The following GRID1 variants were observed in gnomAD, a reference collection of about 807,000 sequenced individuals.
GRID1 encodes the protein glutamate ionotropic receptor delta type subunit 1.
GRID1 carries 28 observed loss-of-function variants against 98.0 expected under a neutral mutation model. That is an observed-to-expected ratio of 0.29 (90% CI 0.21 to 0.39). The LOEUF is 0.39. Ranked by LOEUF, GRID1 falls within the 10% of genes least tolerant of loss-of-function variation. The probability of loss-of-function intolerance (pLI) is 1.00; values close to 1 mark genes in which losing one functional copy is unlikely to be tolerated. For synonymous variants in GRID1, 553 were observed against 538.5 expected (o/e 1.03, Z -0.37); for missense variants, 1,111 against 1,340.5 (o/e 0.83, Z 2.67).
chr10:85,856,543 A>T (rs765380681), intron 6 of GRID1, among the ~76,000 whole-genome samples: 17 of 152,248 alleles, frequency 1.1e-4, no homozygotes, highest in Non-Finnish European at 2.2e-4. Flanking sequence ...TTGAAGGATT[A>T]GTAGGATAAA....
chr10:86,217,262 G>A (rs567731796), intron 2 of GRID1, among the ~76,000 whole-genome samples: 1 of 152,198 alleles, frequency 6.6e-6, no homozygotes, highest in African/African-American at 2.4e-5. Flanking sequence ...TGGTAGCTGT[G>A]TGCCCTCAGG....
intron 3 of GRID1, among the ~76,000 whole-genome samples, chr10:86,201,213 T>G (rs1301754533): frequency 6.6e-6 from 1 of 152,128 alleles, no homozygotes; most frequent in Non-Finnish European, 1.5e-5. Flanking sequence ...GGGCACACAG[T>G]GCAGCAATAA....
intron 2 of GRID1, among the ~76,000 whole-genome samples, chr10:86,322,657 C>A (rs1411592336): frequency 3.9e-5 from 6 of 151,908 alleles, no homozygotes; most frequent in Non-Finnish European, 8.8e-5. Flanking sequence ...GTGATCCACC[C>A]ACCTTGGCCT....
intron 4 of GRID1, among the ~76,000 whole-genome samples, chr10:85,960,733 A>C (rs1842255091): frequency 6.6e-6 from 1 of 152,160 alleles, no homozygotes; most frequent in Admixed American, 6.5e-5. Flanking sequence ...TGAATGAATC[A>C]ATGGATTGAG....
At position 85,828,608 on chromosome 10, in the gene GRID1, G is replaced by A. The variant is rs931093557; in HGVS notation, c.1233+25888C>T. Among the ~76,000 whole-genome samples, 6 of 151,572 alleles carry A rather than the reference G, an allele frequency of 4.0e-5. No individual in the cohort carries two copies. In the East Asian group the frequency reaches 1.2e-3, roughly 29 times the overall value. ...TAAACACAGTCAGAAATGACAAAGA[G>A]AACATTACTACTGAACTGAAATGCA... On this transcript the variant is annotated intron_variant, in intron 8 of 15. Coordinates refer to ENST00000327946, the MANE Select transcript of GRID1 (RefSeq NM_017551.3).
At chr10:85,664,140 G>T (rs963186201) in intron 12 of GRID1, among the ~76,000 whole-genome samples, 32 of 152,148 alleles carry the variant, frequency 2.1e-4, no homozygotes, top group African/African-American at 7.7e-4. Flanking sequence ...CTTTTGACTG[G>T]GAGTCAGAGG....
intron 12 of GRID1, among the ~76,000 whole-genome samples, chr10:85,714,601 A>G (rs1841617774): frequency 1.3e-5 from 2 of 152,072 alleles, no homozygotes. Flanking sequence ...TAAACTAACA[A>G]CAACGTATTT....
chr10:86,358,650 C>T (rs1848564039), intron 2 of GRID1, among the ~76,000 whole-genome samples: 3 of 151,540 alleles, frequency 2.0e-5, no homozygotes, highest in Non-Finnish European at 2.9e-5. Context: ...CCCAGCTACT[C>T]GGGAGGCTGA....
intron 4 of GRID1, among the ~76,000 whole-genome samples, chr10:85,984,358 G>T (rs1435701792): frequency 6.6e-6 from 1 of 152,248 alleles, no homozygotes; most frequent in African/African-American, 2.4e-5. Flanking sequence ...GGCCAAGCCA[G>T]CAGGCAGGGT....
At chr10:86,280,547 A>T (rs1847341867) in intron 2 of GRID1, among the ~76,000 whole-genome samples, 1 of 152,224 alleles carries the variant, frequency 6.6e-6, no homozygotes, top group South Asian at 2.1e-4. Context: ...CAGGAGGAGC[A>T]AAGCCCTCCT....
chr10:85,967,045 A>G (rs1842346187), intron 4 of GRID1, among the ~76,000 whole-genome samples: 1 of 152,092 alleles, frequency 6.6e-6, no homozygotes. Context: ...GTCTCACAAG[A>G]TCTGATGGTT....
chr10:86,105,977 G>C (rs929540987), intron 4 of GRID1, among the ~76,000 whole-genome samples: 1 of 152,118 alleles, frequency 6.6e-6, no homozygotes, highest in Non-Finnish European at 1.5e-5. Context: ...CCTTGTGAGA[G>C]AAGATGTTGG....
intron 13 of GRID1, among the ~76,000 whole-genome samples, chr10:85,641,878 G>A (rs1237476697): frequency 6.6e-6 from 1 of 152,192 alleles, no homozygotes; most frequent in Non-Finnish European, 1.5e-5. Context: ...ATTCAACGGT[G>A]CAGAGCTGGA....
chr10:85,678,073 C>G (rs1187045394), intron 12 of GRID1, among the ~76,000 whole-genome samples: 2 of 152,172 alleles, frequency 1.3e-5, no homozygotes, highest in African/African-American at 4.8e-5. Flanking sequence ...TTCTTCACCA[C>G]CAGCATTCTG....
chr10:86,310,874 T>C (rs904634829), intron 2 of GRID1, among the ~76,000 whole-genome samples: 2 of 152,146 alleles, frequency 1.3e-5, no homozygotes, highest in Non-Finnish European at 2.9e-5. Flanking sequence ...GTCTGTTCAG[T>C]AATAGCCTGT....
chr10:86,141,725 A>G (rs892508142), intron 3 of GRID1, among the ~76,000 whole-genome samples: 1 of 152,258 alleles, frequency 6.6e-6, no homozygotes, highest in African/African-American at 2.4e-5. Flanking sequence ...CAAGTACTCA[A>G]CAGCCACATC....
At chr10:86,254,002 A>G (rs983535463) in intron 2 of GRID1, among the ~76,000 whole-genome samples, 2 of 150,908 alleles carry the variant, frequency 1.3e-5, no homozygotes, top group Non-Finnish European at 3.0e-5. Context: ...ACCCACCAAC[A>G]CTAACACCTT....
chr10:86,249,625 A>G (rs1054931166), intron 2 of GRID1, among the ~76,000 whole-genome samples: 5 of 125,664 alleles, frequency 4.0e-5, no homozygotes, highest in African/African-American at 1.5e-4. Context: ...ACCCTCCCCC[A>G]CAACAGGAAG....
At chr10:86,270,650 A>G (rs1847171214) in intron 2 of GRID1, among the ~76,000 whole-genome samples, 1 of 152,160 alleles carries the variant, frequency 6.6e-6, no homozygotes, top group Non-Finnish European at 1.5e-5. Context: ...AGATTGTGCC[A>G]CTGCACTCCA....
Sources: allele counts gnomAD v4.1 joint callset (sites outside exome capture counted in the v4.1 genomes callset), GRCh38; gene constraint gnomAD v4.1.1; transcripts MANE v1.5; gene names NCBI Gene and HGNC (gene_info 2026-07-23, HGNC 2026-07-21).